LYPD6: variants seen among roughly 807,000 people sequenced by gnomAD.
The protein encoded by LYPD6 is ly6/PLAUR domain-containing protein 6.
Under a neutral mutation model 22.7 loss-of-function variants are expected in LYPD6, and 15 were observed. The ratio of observed to expected loss-of-function variants is 0.66; its 90% CI spans 0.44 to 1.02. The LOEUF is 1.02. Among genes scored for constraint, LYPD6 ranks in the 50% least tolerant of loss-of-function variants. The probability of loss-of-function intolerance (pLI) is 0.00; values close to 1 mark genes in which losing one functional copy is unlikely to be tolerated. For missense variants in LYPD6, 189 were observed against 208.4 expected (o/e 0.91, Z 0.57); for synonymous variants, 72 against 77.5 (o/e 0.93, Z 0.37).
chr2:149,459,106 C>A (rs2105172705), intron 3 of LYPD6, among the ~76,000 whole-genome samples: 1 of 152,200 alleles, frequency 6.6e-6, no homozygotes, highest in Admixed American at 6.5e-5. Flanking sequence ...GCAATCCACA[C>A]AAAAACACAT....
At chr2:149,408,333 C>T (rs1196640) in intron 1 of LYPD6, among the ~76,000 whole-genome samples, 1 of 152,178 alleles carries the variant, frequency 6.6e-6, no homozygotes, top group African/African-American at 2.4e-5. Context: ...CCTCACAGCT[C>T]TTAAGATTCG....
At chr2:149,440,280 TA>T (rs1472838010) in intron 2 of LYPD6, 1 of 155,800 alleles carries the variant, frequency 6.4e-6, no homozygotes, top group African/African-American at 2.4e-5. Context: ...TGAACTTACT[TA>T]AAGAGCCATA....
intron 1 of LYPD6, among the ~76,000 whole-genome samples, chr2:149,375,128 G>A (rs1190446527): frequency 2.0e-5 from 3 of 152,130 alleles, no homozygotes; most frequent in Admixed American, 6.5e-5. Context: ...CAGTGCCTTC[G>A]TAAATTTTTC....
chr2:149,452,770 G>A (rs1573820027), intron 3 of LYPD6, among the ~76,000 whole-genome samples: 1 of 152,180 alleles, frequency 6.6e-6, no homozygotes, highest in Non-Finnish European at 1.5e-5. Flanking sequence ...GTATCTTAGC[G>A]ACTGACATTC....
At chr2:149,349,836 G>C (rs543936166) in intron 1 of LYPD6, among the ~76,000 whole-genome samples, 1 of 152,158 alleles carries the variant, frequency 6.6e-6, no homozygotes, top group African/African-American at 2.4e-5. Flanking sequence ...TTTGAATTTA[G>C]TTCCTCTTAT....
chr2:149,337,331 C>T lies in LYPD6; in HGVS notation c.-72+6609C>T, dbSNP rs7599300. 4.5e-4 allele frequency among the ~76,000 whole-genome samples: 69 copies of T among 152,228 alleles called. 1 individual carries two copies. The highest frequency in any genetic ancestry group is 1.6e-3 in the African/African-American group (65 of 41,524). ...CCTCTGAGGTCATATGATTCACTCA[C>T]GTTTTAGTTTGTTTCTCTGTAAGTT... On this transcript the variant is annotated intron_variant, in intron 1 of 4. Coordinates refer to ENST00000334166, the MANE Select transcript of LYPD6 (RefSeq NM_194317.5).
chr2:149,354,350 GGT>G (rs1681412183), intron 1 of LYPD6, among the ~76,000 whole-genome samples: 1 of 152,220 alleles, frequency 6.6e-6, no homozygotes, highest in Admixed American at 6.5e-5. Flanking sequence ...TGGGATTACA[GGT>G]GCATGCCACC....
In LYPD6 at chr2:149,442,673, A is replaced by T. The variant is rs552640262; in HGVS notation, c.118+4847A>T. ...AAAAAAAAAAAAACCTCTTTATCAG[A>T]TGCAGTATCAATTAGCAAGTTACTG... On this transcript the variant is annotated intron_variant, in intron 2 of 4. Transcript: ENST00000334166. 4.6e-5 allele frequency among the ~76,000 whole-genome samples: 7 copies of T among 151,988 alleles called. No homozygotes were observed. In the East Asian group the frequency reaches 1.4e-3, roughly 29 times the overall value.
At chr2:149,373,694 T>A (rs1196715) in intron 1 of LYPD6, among the ~76,000 whole-genome samples, 84,675 of 152,040 alleles carry the variant, frequency 0.56, 26,206 homozygotes, top group East Asian at 0.9. Flanking sequence ...CTCAGCAAGA[T>A]TGGCTTATTT....
chr2:149,423,999 C>T (rs1683138075), intron 1 of LYPD6, among the ~76,000 whole-genome samples: 1 of 152,082 alleles, frequency 6.6e-6, no homozygotes, highest in African/African-American at 2.4e-5. Context: ...AAGTATTACT[C>T]AAAGACTTGA....
At chr2:149,354,212 AT>A (rs1296112371) in intron 1 of LYPD6, among the ~76,000 whole-genome samples, 1 of 151,780 alleles carries the variant, frequency 6.6e-6, no homozygotes, top group East Asian at 1.9e-4. Flanking sequence ...TCCTATAGCC[AT>A]TTTTTTCCCT....
chr2:149,363,031 C>T (rs563830457), intron 1 of LYPD6, among the ~76,000 whole-genome samples: 3 of 152,196 alleles, frequency 2.0e-5, no homozygotes, highest in Middle Eastern at 3.4e-3. Context: ...CCAGCTTCAG[C>T]GGAGAAGTAT....
At chr2:149,470,343 T>C (rs1375176732) in intron 4 of LYPD6, among the ~76,000 whole-genome samples, 1 of 152,168 alleles carries the variant, frequency 6.6e-6, no homozygotes, top group African/African-American at 2.4e-5. Context: ...AGAAAGAGCC[T>C]CATGGAAAAA....
At chr2:149,457,580 G>T (rs1438999230) in intron 3 of LYPD6, among the ~76,000 whole-genome samples, 1 of 152,282 alleles carries the variant, frequency 6.6e-6, no homozygotes, top group East Asian at 1.9e-4. Context: ...ATTCTTAGTT[G>T]TTACTATTGG....
intron 1 of LYPD6, among the ~76,000 whole-genome samples, chr2:149,394,087 C>T (rs552021334): frequency 1.4e-4 from 22 of 152,302 alleles, no homozygotes; most frequent in Middle Eastern, 3.4e-3. Context: ...AGCTGAATGG[C>T]AAGAGGACTT....
chr2:149,449,739 A>G (rs1683767271), intron 3 of LYPD6, among the ~76,000 whole-genome samples: 1 of 152,238 alleles, frequency 6.6e-6, no homozygotes, highest in Non-Finnish European at 1.5e-5. Context: ...ATCAAAAAGA[A>G]ATAGATGGTT....
chr2:149,379,552 T>C (rs1034503774), intron 1 of LYPD6, among the ~76,000 whole-genome samples: 3 of 152,224 alleles, frequency 2.0e-5, no homozygotes, highest in Admixed American at 6.5e-5. Context: ...TGGAAGAATT[T>C]ATTCTCATGA....
intron 1 of LYPD6, among the ~76,000 whole-genome samples, chr2:149,362,408 A>G (rs1377224059): frequency 6.6e-6 from 1 of 152,158 alleles, no homozygotes; most frequent in Non-Finnish European, 1.5e-5. Flanking sequence ...AGGTTTGATA[A>G]CGAGTGGATA....
chr2:149,465,835 T>C (rs1207841286), intron 3 of LYPD6, among the ~76,000 whole-genome samples: 1 of 152,216 alleles, frequency 6.6e-6, no homozygotes, highest in East Asian at 1.9e-4. Context: ...CTGATTTTAG[T>C]TGAATGCCTG....
Sources: allele counts gnomAD v4.1 joint callset (sites outside exome capture counted in the v4.1 genomes callset), GRCh38; gene constraint gnomAD v4.1.1; transcripts MANE v1.5; gene names NCBI Gene and HGNC (gene_info 2026-07-23, HGNC 2026-07-21).